CFD: variants seen among roughly 807,000 people sequenced by gnomAD.
CFD encodes the protein complement factor D.
In CFD, 24 loss-of-function variants were observed where a neutral mutation model predicts 21.1. The ratio of observed to expected loss-of-function variants is 1.14; its 90% CI spans 0.82 to 1.60. The LOEUF (loss-of-function observed/expected upper bound fraction) is 1.60. Ranked by LOEUF, CFD falls within the 40% of genes most tolerant of loss-of-function variation. The probability of loss-of-function intolerance (pLI) is 0.00; values close to 1 mark genes in which losing one functional copy is unlikely to be tolerated. For missense variants in CFD, 535 were observed against 383.3 expected, an observed-to-expected ratio of 1.40 and a Z score of -3.31; for synonymous variants, 242 against 175.9, an observed-to-expected ratio of 1.38 and a Z score of -2.97.
In CFD at chr19:863,236, T is replaced by A; in HGVS notation, c.760T>A (p.Ter254LysextTer5). 1 of 1,547,140 alleles carries A rather than the reference T, an allele frequency of 6.5e-7. No homozygotes were observed. The highest frequency in any genetic ancestry group is 8.7e-7 in the Non-Finnish European group (1 of 1,152,914). ...YAAWIDSVLA[*>K] The stretch of plus-strand genomic sequence containing the variant: ...GGCCTGGATCGACAGCGTCCTGGCC[T>A]AGGGTGCCGGGGCCTGAAGGTCAGG... The change falls in exon 5 of 5, where the codon TAG becomes AAG. Residue 254 changes from the stop codon to lysine (K), a stop_lost. Transcript: ENST00000327726.
rs139048452 is a variant in CFD, at chr19:863,077, G to A, written c.616-15G>A. 1.2e-5 allele frequency: 18 copies of A among 1,516,772 alleles called. No homozygotes were observed. The highest frequency in any genetic ancestry group is 2.0e-5 in the Admixed American group (1 of 50,538). 94.0% of individuals were successfully genotyped at this position (1,516,772 alleles called of 1,614,324 possible). On this transcript the variant is annotated splice_polypyrimidine_tract_variant and intron_variant, in intron 4 of 4. Transcript: ENST00000327726. ...GGCGCGGGCCGCCCCTCACGGCCCC[G>A]TCCTGTTCCGGCAGGGTGACTCCGG... is the stretch of plus-strand genomic sequence containing the variant.
intron 4 of CFD, 133 bp downstream of exon 4, chr19:862,089 G>A: frequency 8.6e-7 from 1 of 1,157,094 alleles, no homozygotes; most frequent in Non-Finnish European, 1.1e-6. Context: ...GCGGGAACTG[G>A]AAGATGGGCG....
In CFD at chr19:863,397, C is replaced by G; in HGVS notation, c.*159C>G. The G allele has an allele frequency of 1.2e-6, 1 of 825,102 alleles. No individual in the cohort carries two copies. Among genetic ancestry groups the G allele is most frequent in the Non-Finnish European group, 2.0e-6 (1 of 507,912 alleles). 51.1% of individuals were successfully genotyped at this position (825,102 alleles called of 1,614,324 possible). ...TTGGATCTCAGGAGTTCGAGATCAG[C>G]ATGGGCCACGTAGCGCGACTCCATC... On this transcript the variant is annotated 3_prime_UTR_variant, in exon 5 of 5. Transcript: ENST00000327726.
At chr19:862,862 G>A (rs1409751074) in intron 4 of CFD, among the ~76,000 whole-genome samples, 1 of 151,594 alleles carries the variant, frequency 6.6e-6, no homozygotes, top group East Asian at 1.9e-4. Flanking sequence ...GTGAGGTTGA[G>A]GCCAGAGGGG....
intron 1 of CFD, among the ~76,000 whole-genome samples, 176 bp from the exon 2 acceptor site, chr19:860,441 C>A (rs145145646): frequency 6.7e-6 from 1 of 149,230 alleles, no homozygotes; most frequent in Non-Finnish European, 1.5e-5. Context: ...CCCCCCCCTC[C>A]CCCCCCGCCC....
chr19:861,561 T>C, intron 3 of CFD, 138 bp from the exon 4 acceptor site: 1 of 856,054 alleles, frequency 1.2e-6, no homozygotes. Flanking sequence ...GGGTCTAGCC[T>C]AAATCTCTCC....
rs1211137503 is a variant in CFD at position 861,785 on chromosome 19, C to A, written c.444C>A (p.Cys148Ter). 3.7e-6 allele frequency: 6 copies of A among 1,605,194 alleles called. No individual in the cohort carries two copies. Among genetic ancestry groups the A allele is most frequent in the Non-Finnish European group, 4.2e-6 (5 of 1,179,052 alleles). Reference sequence around the variant, plus strand: ...GCGACGTGGCACCGGGAACTCTCTGCGACGTGGCCGGCTGGGGCATAGTCA... The same window carrying A: ...GCGACGTGGCACCGGGAACTCTCTGAGACGTGGCCGGCTGGGGCATAGTCA... Reference protein sequence around the residue: ...VDRDVAPGTLCDVAGWGIVNH... With the variant: ...VDRDVAPGTL The change falls in exon 4 of 5, where the codon TGC becomes TGA. Residue 148 changes from cysteine to a stop codon, truncating the protein, a stop_gained. Transcript: ENST00000327726. LOFTEE classifies it high-confidence loss of function.
At chr19:862,995 C>A (rs990428483) in intron 4 of CFD, 97 bp from the exon 5 acceptor site, 1 of 1,195,496 alleles carries the variant, frequency 8.4e-7, no homozygotes, top group African/African-American at 1.5e-5. Context: ...GATGAGCGAG[C>A]ATTGTGGGGC....
intron 4 of CFD, among the ~76,000 whole-genome samples, chr19:862,722 G>C (rs1196227810): frequency 1.3e-5 from 2 of 152,008 alleles, no homozygotes; most frequent in African/African-American, 4.8e-5. Context: ...GAGCAGAGCA[G>C]GTGGCCACTG....
Position 863,228 on chromosome 19 carries a change from T to G in CFD, c.752T>G (p.Val251Gly), listed in dbSNP as rs970281483. Reference sequence around the variant, plus strand: ...AGCTATGCGGCCTGGATCGACAGCGTCCTGGCCTAGGGTGCCGGGGCCTGA... The same window carrying G: ...AGCTATGCGGCCTGGATCGACAGCGGCCTGGCCTAGGGTGCCGGGGCCTGA... ...VASYAAWIDS[V>G]LA Residue 251 changes from valine (V) to glycine (G), a missense_variant, in exon 5 of 5, where the codon GTC (valine) becomes GGC (glycine). Physicochemically the swap from Val to Gly is moderately radical, Grantham distance 109 (BLOSUM62 -3). Coordinates refer to ENST00000327726, the MANE Select transcript of CFD (RefSeq NM_001928.4). 50 of 1,546,318 alleles carry G rather than the reference T, an allele frequency of 3.2e-5. No homozygotes were observed. The highest frequency in any genetic ancestry group is 5.4e-5 in the African/African-American group (4 of 73,850).
rs772426973 is a variant in CFD at position 861,837 on chromosome 19, C to G, written c.496C>G (p.Leu166Val). Residue 166 changes from leucine (L) to valine (V), a missense_variant, in exon 4 of 5, where the codon CTG (leucine) becomes GTG (valine). By Grantham distance (32) the Leu-to-Val change is conservative. Transcript: ENST00000327726. Reference protein sequence around the residue: ...VNHAGRRPDSLQHVLLPVLDR... With the variant: ...VNHAGRRPDSVQHVLLPVLDR... The stretch of plus-strand genomic sequence containing the variant: ...CCACGCGGGCCGCCGCCCGGACAGC[C>G]TGCAGCACGTGCTCTTGCCAGTGCT... The G allele has an allele frequency of 1.2e-6, 2 of 1,600,766 alleles. No homozygotes were observed. The highest frequency in any genetic ancestry group is 1.1e-5 in the South Asian group (1 of 90,690).
chr19:860,912 G>C lies in CFD; in HGVS notation c.264G>C (p.Pro88=). The C allele has an allele frequency of 6.3e-7, 1 of 1,596,276 alleles. No individual in the cohort carries two copies. The highest frequency in any genetic ancestry group is 8.5e-7 in the Non-Finnish European group (1 of 1,176,810). The change falls in exon 3 of 5, where the codon CCG becomes CCC. Residue 88 remains proline, a synonymous_variant. Coordinates refer to ENST00000327726, the MANE Select transcript of CFD (RefSeq NM_001928.4). ...VLLGAHSLSQ[P]EPSKRLYDVL... is the part of the protein sequence containing the mutation. The stretch of plus-strand genomic sequence containing the variant: ...TGGGCGCGCACTCCCTGTCGCAGCC[G>C]GAGCCCTCCAAGCGCCTGTACGACG...
rs374520010 is a variant in CFD at position 860,946 on chromosome 19, G to T, written c.298G>T (p.Ala100Ser). Residue 100 changes from alanine to serine, a missense_variant, in exon 3 of 5, where the codon GCA becomes TCA. Coordinates refer to ENST00000327726, the MANE Select transcript of CFD (RefSeq NM_001928.4). ...PSKRLYDVLR[A>S]VPHPDSQPDT... ...CAAGCGCCTGTACGACGTGCTCCGC[G>T]CAGTGCCCCACCCGGACAGCCAGCC... 4 of 1,600,976 alleles carry T rather than the reference G, an allele frequency of 2.5e-6. No individual in the cohort carries two copies. The African/African-American group carries it at 4.0e-5, about 16-fold the overall frequency.
intron 3 of CFD, 38 bp from the exon 4 acceptor site, chr19:861,661 C>A: frequency 6.4e-7 from 1 of 1,571,016 alleles, no homozygotes. Flanking sequence ...AGCCTCGCAC[C>A]CCCGCACCCC....
At chr19:862,908 G>A (rs1369759602) in intron 4 of CFD, among the ~76,000 whole-genome samples, 184 bp from the exon 5 acceptor site, 5 of 152,130 alleles carry the variant, frequency 3.3e-5, no homozygotes, top group African/African-American at 4.8e-5. Flanking sequence ...CTAGAGGGGC[G>A]TGGCTTGTGG....
Position 860,731 on chromosome 19 carries a change from C to T in CFD, c.170C>T (p.Ala57Val). The T allele has an allele frequency of 3.8e-6, 6 of 1,566,646 alleles. No homozygotes were observed. The highest frequency in any genetic ancestry group is 5.1e-6 in the Non-Finnish European group (6 of 1,165,746). ...GAHLCGGVLV[A>V]EQWVLSAAHC... Reference sequence around the variant, plus strand: ...CACCTGTGCGGCGGCGTCCTGGTGGCGGAGCAGTGGGTGCTGAGCGCGGCG... The same window carrying T: ...CACCTGTGCGGCGGCGTCCTGGTGGTGGAGCAGTGGGTGCTGAGCGCGGCG... The change falls in exon 2 of 5, where the codon GCG (alanine) becomes GTG (valine). Residue 57 changes from alanine to valine, a missense_variant. By Grantham distance (64) the Ala-to-Val change is moderately conservative. Transcript: ENST00000327726.
At position 863,474 on chromosome 19, in the gene CFD, T is replaced by C. The variant is rs2145168440; in HGVS notation, c.*236T>C. ...GGCAATTGGCGGGCATGGAGGTGGG[T>C]GCTTGTAGTTCCAGCTACTCAGGAG... is the stretch of plus-strand genomic sequence containing the variant. On this transcript the variant is annotated 3_prime_UTR_variant, in exon 5 of 5. Transcript: ENST00000327726. 1.7e-6 allele frequency: 1 copy of C among 577,172 alleles called. No homozygotes were observed. The highest frequency in any genetic ancestry group is 1.9e-5 in the South Asian group (1 of 51,612). 35.8% of individuals were successfully genotyped at this position (577,172 alleles called of 1,614,324 possible).
intron 3 of CFD, 31 bp downstream of exon 3, chr19:861,036 G>A (rs1387081032): frequency 9.4e-6 from 15 of 1,590,848 alleles, no homozygotes; most frequent in Non-Finnish European, 1.2e-5. Flanking sequence ...TCCCTCCTGC[G>A]GCGCTGGGAT....
At position 859,706 on chromosome 19, in the gene CFD, G is replaced by C; in HGVS notation, c.17G>C (p.Arg6Pro). Residue 6 changes from arginine (R) to proline (P), a missense_variant, in exon 1 of 5, where the codon CGC becomes CCC. Arg to Pro is a moderately radical substitution (Grantham distance 103, BLOSUM62 -2). Coordinates refer to ENST00000327726, the MANE Select transcript of CFD (RefSeq NM_001928.4). The part of the protein sequence containing the change: MHSWE[R>P]LAVLVLLGAA... ...GGCTTCACCATGCACAGCTGGGAGC[G>C]CCTGGCAGTTCTGGTCCTCCTAGGA... The C allele has an allele frequency of 6.4e-7, 1 of 1,573,244 alleles. No homozygotes were observed. The highest frequency in any genetic ancestry group is 8.6e-7 in the Non-Finnish European group (1 of 1,159,788).
Sources: gnomAD v4.1 joint callset for allele counts (sites outside exome capture counted in the v4.1 genomes callset) on GRCh38, gnomAD v4.1.1 for gene constraint, MANE v1.5 for transcripts, NCBI Gene and HGNC (gene_info 2026-07-23, HGNC 2026-07-21) for gene names.